Variants in SOX6 observed in about 807,000 individuals in gnomAD.
SOX6 encodes the protein SRY-box transcription factor 6.
SOX6 carries 11 observed loss-of-function variants against 97.8 expected under a neutral mutation model. That is an observed-to-expected ratio of 0.11 (90% CI 0.07 to 0.19). The LOEUF (loss-of-function observed/expected upper bound fraction) is 0.19, where lower values mean the gene tolerates loss of function less well. SOX6 is among the 10% of genes least tolerant of loss of function. The pLI is 1.00. For synonymous variants in SOX6, 360 were observed against 371.4 expected (o/e 0.97, Z 0.35); for missense variants, 810 against 1,039.5 (o/e 0.78, Z 3.04).
At chr11:16,165,607 C>T (rs575945353) in intron 6 of SOX6, among the ~76,000 whole-genome samples, 80 of 152,142 alleles carry the variant, frequency 5.3e-4, no homozygotes, top group African/African-American at 1.8e-3. Context: ...TGCTAAATGA[C>T]GAATCCTAGG....
chr11:16,045,080 T>C (rs565962613), intron 12 of SOX6, among the ~76,000 whole-genome samples: 55 of 152,232 alleles, frequency 3.6e-4, no homozygotes, highest in Non-Finnish European at 7.4e-4. Flanking sequence ...AACTTCAGAC[T>C]TTTCCCTCCC....
chr11:16,640,672 T>C (rs1472036192), intron 3 of SOX6, among the ~76,000 whole-genome samples: 2 of 152,210 alleles, frequency 1.3e-5, no homozygotes, highest in African/African-American at 2.4e-5. Context: ...TATCCATTTC[T>C]TCTAGATTTT....
chr11:16,526,455 G>A (rs1861166579), intron 4 of SOX6, among the ~76,000 whole-genome samples: 2 of 151,938 alleles, frequency 1.3e-5, no homozygotes, highest in Admixed American at 1.3e-4. Flanking sequence ...GACACAGGAA[G>A]GGGAACATCA....
At chr11:16,084,651 C>T (rs769278265) in intron 9 of SOX6, among the ~76,000 whole-genome samples, 1 of 152,158 alleles carries the variant, frequency 6.6e-6, no homozygotes, top group African/African-American at 2.4e-5. Context: ...AACCAAGAAG[C>T]ACCACTTTCC....
intron 1 of SOX6, among the ~76,000 whole-genome samples, chr11:16,431,799 T>C (rs1400495320): frequency 1.3e-5 from 2 of 152,114 alleles, no homozygotes; most frequent in Non-Finnish European, 2.9e-5. Flanking sequence ...ACTTTCCCAA[T>C]TTCTTATATT....
At chr11:16,416,272 AC>A (rs1386343448) in intron 1 of SOX6, among the ~76,000 whole-genome samples, 7 of 152,232 alleles carry the variant, frequency 4.6e-5, no homozygotes, top group Admixed American at 3.9e-4. Flanking sequence ...AATTTTTCCT[AC>A]TGGTGAGCAT....
At chr11:16,228,196 T>C (rs1005922008) in intron 4 of SOX6, among the ~76,000 whole-genome samples, 2 of 82,720 alleles carry the variant, frequency 2.4e-5, no homozygotes, top group Non-Finnish European at 4.8e-5. Context: ...AGACCCCATC[T>C]CAAAAGAAAA....
At chr11:16,449,731 T>C (rs1463526811) in intron 1 of SOX6, among the ~76,000 whole-genome samples, 12 of 152,206 alleles carry the variant, frequency 7.9e-5, no homozygotes, top group Admixed American at 7.9e-4. Context: ...ACTTTCTTTC[T>C]ACAGCTAGGG....
intron 1 of SOX6, among the ~76,000 whole-genome samples, chr11:16,350,826 T>C (rs1856926203): frequency 6.6e-6 from 1 of 152,146 alleles, no homozygotes; most frequent in Non-Finnish European, 1.5e-5. Flanking sequence ...TGTTCATTGC[T>C]GGATCCCCAG....
intron 3 of SOX6, among the ~76,000 whole-genome samples, chr11:16,247,046 T>G (rs1296356089): frequency 6.6e-6 from 1 of 152,146 alleles, no homozygotes; most frequent in Non-Finnish European, 1.5e-5. Context: ...CTATCCCCAT[T>G]TTATCCCCTG....
At chr11:16,374,692 T>A (rs895449489) in intron 1 of SOX6, among the ~76,000 whole-genome samples, 2 of 152,042 alleles carry the variant, frequency 1.3e-5, no homozygotes, top group African/African-American at 4.8e-5. Flanking sequence ...ACAAACACAC[T>A]CACATGGCAA....
At chr11:16,714,597 G>A (rs1042197745) in intron 3 of SOX6, among the ~76,000 whole-genome samples, 7 of 151,700 alleles carry the variant, frequency 4.6e-5, no homozygotes, top group African/African-American at 9.7e-5. Flanking sequence ...GACTACAGGC[G>A]AGCACCACCA....
intron 12 of SOX6, among the ~76,000 whole-genome samples, chr11:16,043,867 T>G (rs540486797): frequency 6.6e-6 from 1 of 152,068 alleles, no homozygotes; most frequent in Non-Finnish European, 1.5e-5. Context: ...TCATGTCCTC[T>G]TCCCATGGCG....
chr11:16,432,477 A>T (rs1159022128), intron 1 of SOX6, among the ~76,000 whole-genome samples: 2 of 152,120 alleles, frequency 1.3e-5, no homozygotes, highest in African/African-American at 2.4e-5. Flanking sequence ...AAACAAAATA[A>T]ATTAAAAAGG....
chr11:16,565,337 T>A (rs1847858229), intron 4 of SOX6, among the ~76,000 whole-genome samples: 1 of 151,788 alleles, frequency 6.6e-6, no homozygotes, highest in African/African-American at 2.4e-5. Flanking sequence ...CAAAAAGAAA[T>A]CCCCAGGCCC....
At chr11:16,283,163 T>G (rs1174915721) in intron 3 of SOX6, among the ~76,000 whole-genome samples, 1 of 143,098 alleles carries the variant, frequency 7.0e-6, no homozygotes, top group East Asian at 2.0e-4. Flanking sequence ...ACATTTATTT[T>G]GGTGCCACCC....
At chr11:16,014,883 C>G (rs1213870034) in intron 13 of SOX6, 59 bp downstream of exon 13, 2 of 1,484,398 alleles carry the variant, frequency 1.3e-6, no homozygotes, top group Non-Finnish European at 1.9e-6. Flanking sequence ...ATATCTAGCT[C>G]AGACACACAT....
chr11:16,264,760 G>T (rs1854019491), intron 3 of SOX6: 1 of 150,184 alleles, frequency 6.7e-6, no homozygotes, highest in Admixed American at 6.7e-5. Flanking sequence ...ACAATTCAAT[G>T]AGCTAGAATT....
At chr11:16,021,683 G>A (rs1466286428) in intron 12 of SOX6, among the ~76,000 whole-genome samples, 1 of 152,002 alleles carries the variant, frequency 6.6e-6, no homozygotes, top group East Asian at 1.9e-4. Flanking sequence ...TTCAGCTAAA[G>A]CTATTAATTT....
Sources: allele counts gnomAD v4.1 joint callset (sites outside exome capture counted in the v4.1 genomes callset), GRCh38; gene constraint gnomAD v4.1.1; transcripts MANE v1.5; gene names NCBI Gene and HGNC (gene_info 2026-07-23, HGNC 2026-07-21).